The following SH3RF3 variants were observed in gnomAD, a reference collection of about 807,000 sequenced individuals.
The protein encoded by SH3RF3 is SH3 domain containing ring finger 3.
In SH3RF3, 29 loss-of-function variants were observed where a neutral mutation model predicts 66.3. That is an observed-to-expected ratio of 0.44 (90% CI 0.33 to 0.60). SH3RF3 has a LOEUF of 0.60. SH3RF3 is among the 20% of genes least tolerant of loss of function. The pLI is 0.04. For synonymous variants in SH3RF3, 583 were observed against 532.0 expected, an observed-to-expected ratio of 1.10 and a Z score of -1.32; for missense variants, 1,194 against 1,190.9, an observed-to-expected ratio of 1.00 and a Z score of -0.04.
intron 7 of SH3RF3, among the ~76,000 whole-genome samples, chr2:109,442,925 A>G (rs1226892693): frequency 2.0e-5 from 3 of 152,370 alleles, no homozygotes; most frequent in East Asian, 1.9e-4. Context: ...ACATATTACT[A>G]AAAACAAACA....
intron 2 of SH3RF3, among the ~76,000 whole-genome samples, chr2:109,362,289 T>C (rs1339652429): frequency 6.6e-6 from 1 of 152,210 alleles, no homozygotes; most frequent in Non-Finnish European, 1.5e-5. Context: ...TCAAAATATT[T>C]TTTAAATTTC....
At chr2:109,417,099 G>A (rs1676746282) in intron 4 of SH3RF3, among the ~76,000 whole-genome samples, 1 of 152,116 alleles carries the variant, frequency 6.6e-6, no homozygotes, top group African/African-American at 2.4e-5. Context: ...ATGGGTGAGT[G>A]AATGACCCTA....
intron 3 of SH3RF3, among the ~76,000 whole-genome samples, chr2:109,391,274 C>T (rs534916445): frequency 3.4e-4 from 52 of 152,364 alleles, no homozygotes; most frequent in Middle Eastern, 3.4e-3. Flanking sequence ...GCCCATTGGG[C>T]AGCCCGACAG....
At chr2:109,492,729 C>A (rs1186305265) in intron 9 of SH3RF3, among the ~76,000 whole-genome samples, 9 of 152,154 alleles carry the variant, frequency 5.9e-5, no homozygotes. Flanking sequence ...TTTCTGACCT[C>A]ATGGCCCACG....
chr2:109,368,828 G>T (rs1419370537), intron 2 of SH3RF3, among the ~76,000 whole-genome samples: 3 of 151,800 alleles, frequency 2.0e-5, no homozygotes, highest in Non-Finnish European at 2.9e-5. Flanking sequence ...ATATTTTGCT[G>T]TTGTGACAGC....
intron 8 of SH3RF3, among the ~76,000 whole-genome samples, chr2:109,480,047 A>C (rs964261804): frequency 3.9e-5 from 6 of 152,156 alleles, no homozygotes; most frequent in African/African-American, 1.2e-4. Context: ...TGGGTTGAGG[A>C]CAATTGTCTA....
chr2:109,289,781 A>G (rs1377613327), intron 1 of SH3RF3, among the ~76,000 whole-genome samples: 2 of 152,152 alleles, frequency 1.3e-5, no homozygotes, highest in Non-Finnish European at 2.9e-5. Context: ...TAAGCTGGAA[A>G]CTGGGTGACA....
Position 109,437,073 on chromosome 2 carries a change from G to T in SH3RF3, c.1755G>T (p.Ser585=). The T allele has an allele frequency of 1.2e-6, 2 of 1,613,506 alleles. No individual in the cohort carries two copies. Among genetic ancestry groups the T allele is most frequent in the Non-Finnish European group, 1.7e-6 (2 of 1,179,808 alleles). The change falls in exon 7 of 10, where the codon TCG becomes TCT. Residue 585 remains serine, a synonymous_variant. Transcript: ENST00000309415. ...CCCACGCCCAGCACCCCACAGCCTC[G>T]CCCCCAACAGGCAGCTGTCTACGGC... is the stretch of plus-strand genomic sequence containing the variant. The part of the protein sequence containing the change: ...PQAHAQHPTA[S]PPTGSCLRHS...
intron 9 of SH3RF3, 48 bp from the exon 10 acceptor site, chr2:109,501,455 A>T: frequency 1.3e-6 from 1 of 742,932 alleles, no homozygotes; most frequent in Admixed American, 1.8e-5. Context: ...ACGACCCAGC[A>T]GATGGAGATT....
chr2:109,249,534 TC>T (rs1558981491), intron 1 of SH3RF3, among the ~76,000 whole-genome samples: 2,162 of 108,320 alleles, frequency 0.02, 41 homozygotes, highest in South Asian at 0.028. Flanking sequence ...TTTCTTTCTT[TC>T]CTTCCTTCCT....
At chr2:109,233,122 T>A (rs1244772531) in intron 1 of SH3RF3, among the ~76,000 whole-genome samples, 1 of 152,192 alleles carries the variant, frequency 6.6e-6, no homozygotes, top group Non-Finnish European at 1.5e-5. Flanking sequence ...TTAATGCTCC[T>A]TTAGCAGTTG....
At chr2:109,331,533 C>G (rs1349234829) in intron 1 of SH3RF3, among the ~76,000 whole-genome samples, 1 of 152,120 alleles carries the variant, frequency 6.6e-6, no homozygotes, top group African/African-American at 2.4e-5. Flanking sequence ...TTTAAAATTG[C>G]AACCCCCACC....
At chr2:109,450,213 G>C (rs1410844687) in intron 8 of SH3RF3, among the ~76,000 whole-genome samples, 1 of 152,194 alleles carries the variant, frequency 6.6e-6, no homozygotes, top group African/African-American at 2.4e-5. Flanking sequence ...AGGCATGGTG[G>C]CGTGCGCCTG....
intron 8 of SH3RF3, among the ~76,000 whole-genome samples, chr2:109,484,309 C>T (rs563189061): frequency 8.5e-5 from 13 of 152,204 alleles, no homozygotes; most frequent in Non-Finnish European, 1.6e-4. Flanking sequence ...TGAGGTGATC[C>T]GTCCACCTTG....
At chr2:109,223,114 G>A (rs546731510) in intron 1 of SH3RF3, among the ~76,000 whole-genome samples, 58 of 152,372 alleles carry the variant, frequency 3.8e-4, no homozygotes, top group Non-Finnish European at 6.8e-4. Context: ...GGGGAAGCAG[G>A]TGGTTGGAGA....
chr2:109,301,867 G>A (rs901088712), intron 1 of SH3RF3, among the ~76,000 whole-genome samples: 27 of 152,268 alleles, frequency 1.8e-4, no homozygotes, highest in Middle Eastern at 6.8e-3. Flanking sequence ...GACAAATGGA[G>A]AGAAGTCTGT....
chr2:109,229,126 G>T (rs996896409), intron 1 of SH3RF3, among the ~76,000 whole-genome samples: 12 of 152,024 alleles, frequency 7.9e-5, no homozygotes, highest in African/African-American at 2.9e-4. Context: ...TCCTAGCCCC[G>T]CTATCACTCA....
intron 8 of SH3RF3, among the ~76,000 whole-genome samples, chr2:109,453,500 C>G (rs1463795277): frequency 2.0e-5 from 3 of 152,148 alleles, no homozygotes; most frequent in Admixed American, 1.3e-4. Flanking sequence ...CCTCAGGGTA[C>G]CTAAGTCCAG....
chr2:109,154,884 G>A (rs1239596101), intron 1 of SH3RF3, among the ~76,000 whole-genome samples: 1 of 152,218 alleles, frequency 6.6e-6, no homozygotes, highest in East Asian at 1.9e-4. Context: ...GGAGCAGAGC[G>A]AGCTCCAGCT....
Sources: allele counts gnomAD v4.1 joint callset (sites outside exome capture counted in the v4.1 genomes callset), GRCh38; gene constraint gnomAD v4.1.1; transcripts MANE v1.5; gene names NCBI Gene and HGNC (gene_info 2026-07-23, HGNC 2026-07-21).